The following KAZN variants were observed in gnomAD, a reference collection of about 807,000 sequenced individuals.
KAZN encodes kazrin, periplakin interacting protein, also known as kazrin.
A neutral mutation model predicts 87.4 loss-of-function variants in KAZN; 40 were observed. That is an observed-to-expected ratio of 0.46 (90% CI 0.36 to 0.60). KAZN has a LOEUF of 0.60. Ranked by LOEUF, KAZN falls within the 20% of genes least tolerant of loss-of-function variation. The probability of loss-of-function intolerance (pLI) is 0.00; values close to 1 mark genes in which losing one functional copy is unlikely to be tolerated. For missense variants in KAZN, 898 were observed against 1,073.9 expected (o/e 0.84, Z 2.29); for synonymous variants, 466 against 458.3 (o/e 1.02, Z -0.22).
intron 6 of KAZN, 84 bp downstream of exon 6, chr1:15,060,386 C>T (rs1016065351): frequency 3.4e-5 from 53 of 1,555,754 alleles, no homozygotes; most frequent in Non-Finnish European, 4.4e-5. Context: ...AAGCCATACT[C>T]GCTGTTTCCT....
chr1:14,361,561 A>G (rs1290468051), intron 2 of KAZN, among the ~76,000 whole-genome samples: 1 of 152,202 alleles, frequency 6.6e-6, no homozygotes, highest in African/African-American at 2.4e-5. Context: ...CTTGAAACCC[A>G]GGGCCCTGGT....
At chr1:14,609,143 G>A (rs1255907806) in intron 1 of KAZN, among the ~76,000 whole-genome samples, 1 of 152,136 alleles carries the variant, frequency 6.6e-6, no homozygotes, top group Non-Finnish European at 1.5e-5. Flanking sequence ...TCATCAACTG[G>A]ATTGCTTTTC....
At chr1:14,439,434 T>C (rs1348536225) in intron 2 of KAZN, among the ~76,000 whole-genome samples, 1 of 152,096 alleles carries the variant, frequency 6.6e-6, no homozygotes, top group Admixed American at 6.5e-5. Flanking sequence ...TTAGACCCCC[T>C]CCTCAATATA....
intron 2 of KAZN, among the ~76,000 whole-genome samples, chr1:14,584,583 G>C (rs1253462314): frequency 6.6e-6 from 1 of 151,962 alleles, no homozygotes; most frequent in East Asian, 1.9e-4. Context: ...AAGTGTACCT[G>C]TTCAAAATTC....
intron 1 of KAZN, among the ~76,000 whole-genome samples, chr1:13,977,491 A>G (rs1162161024): frequency 6.6e-6 from 1 of 152,216 alleles, no homozygotes; most frequent in East Asian, 1.9e-4. Context: ...AAGATATGTC[A>G]AAGAGTGGGG....
intron 1 of KAZN, among the ~76,000 whole-genome samples, chr1:14,019,645 T>C (rs1041045901): frequency 2.6e-5 from 4 of 152,194 alleles, no homozygotes; most frequent in Non-Finnish European, 5.9e-5. Flanking sequence ...GGGTGCTACA[T>C]TGCCCTACTC....
At chr1:14,412,679 A>G (rs1364984216) in intron 2 of KAZN, among the ~76,000 whole-genome samples, 2 of 152,026 alleles carry the variant, frequency 1.3e-5, no homozygotes, top group African/African-American at 4.8e-5. Flanking sequence ...AAAAGAATCA[A>G]TATTATAAAA....
intron 1 of KAZN, among the ~76,000 whole-genome samples, chr1:14,153,508 C>T (rs1645521410): frequency 6.6e-6 from 1 of 152,160 alleles, no homozygotes; most frequent in African/African-American, 2.4e-5. Flanking sequence ...GGTGCAGTGG[C>T]TCACGCCTGT....
At chr1:13,969,882 G>A (rs1426297253) in intron 1 of KAZN, among the ~76,000 whole-genome samples, 1 of 152,164 alleles carries the variant, frequency 6.6e-6, no homozygotes, top group Non-Finnish European at 1.5e-5. Context: ...ACCTATAACA[G>A]CTAAACATTA....
chr1:14,422,040 C>G (rs1354461293), intron 2 of KAZN, among the ~76,000 whole-genome samples: 2 of 152,230 alleles, frequency 1.3e-5, no homozygotes, highest in Admixed American at 1.3e-4. Flanking sequence ...TTTGGAAAGT[C>G]TGTCTTGGAT....
At chr1:14,043,472 A>C (rs888139369) in intron 1 of KAZN, among the ~76,000 whole-genome samples, 6 of 152,192 alleles carry the variant, frequency 3.9e-5, no homozygotes, top group African/African-American at 1.4e-4. Context: ...GCTGGATCAA[A>C]TGGTAATTCA....
intron 1 of KAZN, among the ~76,000 whole-genome samples, chr1:14,890,446 G>C (rs1654576461): frequency 6.6e-6 from 1 of 152,116 alleles, no homozygotes; most frequent in African/African-American, 2.4e-5. Context: ...AACTGAATCT[G>C]TCAAACCTGT....
intron 1 of KAZN, among the ~76,000 whole-genome samples, chr1:14,132,465 G>A (rs1464121787): frequency 6.6e-6 from 1 of 152,182 alleles, no homozygotes; most frequent in Non-Finnish European, 1.5e-5. Context: ...TGTGGCCTGA[G>A]CATGCATTAA....
intron 1 of KAZN, among the ~76,000 whole-genome samples, chr1:14,903,461 C>T (rs1434659030): frequency 6.6e-6 from 1 of 152,184 alleles, no homozygotes; most frequent in Non-Finnish European, 1.5e-5. Context: ...TCCTGGGGTA[C>T]TCTTCCTTTA....
At chr1:14,360,102 A>G (rs1011864095) in intron 2 of KAZN, among the ~76,000 whole-genome samples, 1 of 152,054 alleles carries the variant, frequency 6.6e-6, no homozygotes, top group Non-Finnish European at 1.5e-5. Flanking sequence ...TGGTCTTTTC[A>G]CATAATCCCA....
intron 2 of KAZN, among the ~76,000 whole-genome samples, chr1:15,009,955 CA>C (rs35994529): frequency 0.17 from 26,388 of 152,078 alleles, 2,575 homozygotes; most frequent in African/African-American, 0.25. Flanking sequence ...ACATAACCTC[CA>C]AACTATCATC....
At chr1:14,127,927 G>A (rs1644910201) in intron 1 of KAZN, among the ~76,000 whole-genome samples, 1 of 152,160 alleles carries the variant, frequency 6.6e-6, no homozygotes, top group African/African-American at 2.4e-5. Context: ...GTCCACTCAC[G>A]ATGCTGGGAG....
intron 1 of KAZN, among the ~76,000 whole-genome samples, chr1:14,101,006 G>A (rs761029330): frequency 1.3e-5 from 2 of 152,086 alleles, no homozygotes; most frequent in Non-Finnish European, 2.9e-5. Context: ...CTTGCCTTCC[G>A]CCATAATCGT....
chr1:15,075,845 G>T (rs1639715605), intron 8 of KAZN, among the ~76,000 whole-genome samples: 1 of 152,188 alleles, frequency 6.6e-6, no homozygotes, highest in African/African-American at 2.4e-5. Context: ...GAGGGGCTGA[G>T]TCTGTTGGCA....
Sources: allele counts gnomAD v4.1 joint callset (sites outside exome capture counted in the v4.1 genomes callset), GRCh38; gene constraint gnomAD v4.1.1; transcripts MANE v1.5; gene names NCBI Gene and HGNC (gene_info 2026-07-23, HGNC 2026-07-21).